The following APAF1 variants were observed in gnomAD, a reference collection of about 807,000 sequenced individuals.
The protein encoded by APAF1 is apoptotic peptidase activating factor 1.
Under a neutral mutation model 152.4 loss-of-function variants are expected in APAF1, and 91 were observed. That is an observed-to-expected ratio of 0.60 (90% CI 0.50 to 0.71). The LOEUF is 0.71. Ranked by LOEUF, APAF1 falls within the 30% of genes least tolerant of loss-of-function variation. APAF1 has a pLI of 0.00. For missense variants in APAF1, 1,283 were observed against 1,472.0 expected (o/e 0.87, Z 2.10); for synonymous variants, 484 against 494.1 (o/e 0.98, Z 0.27).
rs562698486 is a variant in APAF1 at position 98,690,868 on chromosome 12, C to A, written c.2304+3995C>A. Among the ~76,000 whole-genome samples, 4 of 152,170 alleles carry A rather than the reference C, an allele frequency of 2.6e-5. No homozygotes were observed. The South Asian group carries it at 8.3e-4, about 32-fold the overall frequency. ...CTATCATAAGCCCCCTCAGAAATTG[C>A]TGTAAAAAGCCTCTGCTCCATTTTT... On this transcript the variant is annotated intron_variant, in intron 16 of 26. Coordinates refer to ENST00000551964, the MANE Select transcript of APAF1 (RefSeq NM_181861.2).
At chr12:98,683,323 A>G (rs1199955929) in intron 15 of APAF1, 49 bp downstream of exon 15, 1 of 1,580,834 alleles carries the variant, frequency 6.3e-7, no homozygotes, top group Non-Finnish European at 8.7e-7. Flanking sequence ...TTCGTACATC[A>G]GAGTATCTCC....
chr12:98,650,267 G>A (rs2097647266), intron 4 of APAF1, among the ~76,000 whole-genome samples: 1 of 151,948 alleles, frequency 6.6e-6, no homozygotes, highest in African/African-American at 2.4e-5. Flanking sequence ...TGGATCACCT[G>A]AGGTCAGGAG....
intron 4 of APAF1, among the ~76,000 whole-genome samples, chr12:98,653,905 A>T (rs1216817206): frequency 6.6e-6 from 1 of 151,530 alleles, no homozygotes; most frequent in African/African-American, 2.4e-5. Context: ...TGCTTTCTTC[A>T]TAGGCTGTGT....
At chr12:98,693,662 C>G (rs903827954) in intron 16 of APAF1, among the ~76,000 whole-genome samples, 1 of 152,140 alleles carries the variant, frequency 6.6e-6, no homozygotes, top group African/African-American at 2.4e-5. Flanking sequence ...TTGGAAGGTT[C>G]TATCTTGCTC....
At chr12:98,687,633 G>A (rs1445451980) in intron 16 of APAF1, among the ~76,000 whole-genome samples, 1 of 152,064 alleles carries the variant, frequency 6.6e-6, no homozygotes, top group African/African-American at 2.4e-5. Flanking sequence ...CCATTTATCA[G>A]GAACCTAGGT....
Position 98,708,463 on chromosome 12 carries a change from T to A in APAF1, c.2722-122T>A. 3.1e-6 allele frequency: 3 copies of A among 973,964 alleles called. No individual in the cohort carries two copies. In the Admixed American group the frequency reaches 7.1e-5, roughly 23 times the overall value. 60.3% of individuals were successfully genotyped at this position (973,964 alleles called of 1,614,324 possible). A position where few individuals can be genotyped will look rare whatever the true frequency, so the allele number is the denominator to read the frequency against. On this transcript the variant is annotated intron_variant, in intron 19 of 26. Coordinates refer to ENST00000551964, the MANE Select transcript of APAF1 (RefSeq NM_181861.2). ...GTAAATATTTATTTTTGGATTATAA[T>A]CTAATATTGAAACCTTTCTAGCATC...
chr12:98,679,714 C>T (rs1324403258), intron 13 of APAF1, among the ~76,000 whole-genome samples: 1 of 152,254 alleles, frequency 6.6e-6, no homozygotes, highest in African/African-American at 2.4e-5. Flanking sequence ...CCACCGTGTT[C>T]CCCGGTGCCA....
chr12:98,729,898 G>A (rs988141810), intron 26 of APAF1, among the ~76,000 whole-genome samples: 1 of 152,126 alleles, frequency 6.6e-6, no homozygotes, highest in African/African-American at 2.4e-5. Context: ...TAAACAAAAG[G>A]AGTAATTTCT....
intron 4 of APAF1, among the ~76,000 whole-genome samples, chr12:98,657,557 C>T (rs533171408): frequency 6.6e-5 from 10 of 152,268 alleles, no homozygotes; most frequent in African/African-American, 2.2e-4. Flanking sequence ...TATGTCAAGT[C>T]CTATTCAGTA....
rs371118366 is a variant in APAF1 at position 98,666,196 on chromosome 12, T to C, written c.1201T>C (p.Cys401Arg). The change falls in exon 9 of 27, where the codon TGT becomes CGT. Residue 401 changes from cysteine to arginine, a missense_variant. Physicochemically the swap from Cys to Arg is radical, Grantham distance 180 (BLOSUM62 -3). Transcript: ENST00000551964. ...TACTTACAACAATTCCTAGGTGTTATGTATTCTCTGGGACATGGAAACTGA... is the reference window on the plus strand; with the variant it reads ...TACTTACAACAATTCCTAGGTGTTACGTATTCTCTGGGACATGGAAACTGA... ...KDVKVPTKVL[C>R]ILWDMETEEV... 1 of 1,613,736 alleles carries C rather than the reference T, an allele frequency of 6.2e-7. No individual in the cohort carries two copies. Among genetic ancestry groups the C allele is most frequent in the Non-Finnish European group, 8.5e-7 (1 of 1,179,678 alleles).
At position 98,668,546 on chromosome 12, in the gene APAF1, G is replaced by A. The variant is rs944112206; in HGVS notation, c.1494+902G>A. Among the ~76,000 whole-genome samples, 6 of 151,886 alleles carry A rather than the reference G, an allele frequency of 4.0e-5. No individual in the cohort carries two copies. In the East Asian group the frequency reaches 9.6e-4, roughly 24 times the overall value. ...ATTATATTTCAGTGGGTAGTTAAGTGCTCAGAAGAAGGACAGAGCATGGAA... is the reference window on the plus strand; with the variant it reads ...ATTATATTTCAGTGGGTAGTTAAGTACTCAGAAGAAGGACAGAGCATGGAA... On this transcript the variant is annotated intron_variant, in intron 10 of 26. Transcript: ENST00000551964.
chr12:98,688,581 G>A (rs1032068494), intron 16 of APAF1, among the ~76,000 whole-genome samples: 2 of 143,058 alleles, frequency 1.4e-5, no homozygotes, highest in African/African-American at 2.6e-5. Flanking sequence ...AGCAGTCCTC[G>A]TACTTCAGCC....
rs746490911 is a variant in APAF1 at position 98,665,693 on chromosome 12, GA to G, written c.1098del (p.Ala367ProfsTer4). 2.6e-5 allele frequency: 42 copies of G among 1,613,946 alleles called. No homozygotes were observed. Among genetic ancestry groups the G allele is most frequent in the Non-Finnish European group, 3.5e-5 (41 of 1,179,932 alleles). On this transcript the variant is annotated frameshift_variant, in exon 8 of 27. Coordinates refer to ENST00000551964, the MANE Select transcript of APAF1 (RefSeq NM_181861.2). LOFTEE classifies it high-confidence loss of function. ...GTCTTATGATTATGAGGCTCTAGATGAAGCCATGTCTATAAGTGTTGAAATG... is the reference window on the plus strand; with the variant it reads ...GTCTTATGATTATGAGGCTCTAGATGAGCCATGTCTATAAGTGTTGAAATG... Reference protein sequence around the residue: ...SSSYDYEALDEAMSISVEMLR... With the variant: ...SSSYDYEALDXAMSISVEMLR...
At chr12:98,688,388 A>G (rs930080107) in intron 16 of APAF1, among the ~76,000 whole-genome samples, 2 of 152,090 alleles carry the variant, frequency 1.3e-5, no homozygotes, top group African/African-American at 4.8e-5. Context: ...CATGCCTGAT[A>G]GCAACCATCT....
chr12:98,690,366 T>G (rs1325569507), intron 16 of APAF1, among the ~76,000 whole-genome samples: 1 of 152,260 alleles, frequency 6.6e-6, no homozygotes, highest in Non-Finnish European at 1.5e-5. Context: ...TCTATCTGCT[T>G]CTTCCTTTAG....
At position 98,665,271 on chromosome 12, in the gene APAF1, TATATA is replaced by T. The variant is rs1356587585; in HGVS notation, c.956-281_956-277del. Among the ~76,000 whole-genome samples the T allele has an allele frequency of 8.6e-5, 9 of 104,462 alleles. No homozygotes were observed. The East Asian group carries it at 2.0e-3, about 24-fold the overall frequency. The allele number at this position is 104,462 out of a possible 152,430, so 68.5% of individuals were successfully genotyped here. On this transcript the variant is annotated intron_variant, in intron 7 of 26. Transcript: ENST00000551964. ...AGACTGGCGCATATATATATATATATATATATATTTTTTTTTTTTTTTGTAATGAC... is the reference window on the plus strand; with the variant it reads ...AGACTGGCGCATATATATATATATATTATTTTTTTTTTTTTTTGTAATGAC...
In APAF1 at chr12:98,662,761, G is replaced by T; in HGVS notation, c.910G>T (p.Ala304Ser). The T allele has an allele frequency of 6.2e-7, 1 of 1,611,842 alleles. No homozygotes were observed. Among genetic ancestry groups the T allele is most frequent in the Non-Finnish European group, 8.5e-7 (1 of 1,179,086 alleles). The change falls in exon 7 of 27, where the codon GCA (alanine) becomes TCA (serine). Residue 304 changes from alanine to serine, a missense_variant. Transcript: ENST00000551964. ...ILSLFVNMKK[A>S]DLPEQAHSII... ...ATCCCTTTTTGTTAATATGAAGAAG[G>T]CAGATTTGCCAGAACAAGCTCATAG...
chr12:98,727,962 AAATAAATTAATT>A (rs2097753271), intron 26 of APAF1, among the ~76,000 whole-genome samples: 1 of 143,620 alleles, frequency 7.0e-6, no homozygotes, highest in Non-Finnish European at 1.5e-5. Flanking sequence ...ATAAATAAAT[AAATAAATTAATT>A]AATTAATTAA....
chr12:98,662,257 AT>A (rs1175365821), intron 5 of APAF1, among the ~76,000 whole-genome samples, 198 bp from the exon 6 acceptor site: 4 of 147,758 alleles, frequency 2.7e-5, no homozygotes, highest in African/African-American at 5.0e-5. Context: ...GCAGTCTCTA[AT>A]TTTTTTTTTC....
Sources: gnomAD v4.1 joint callset for allele counts (sites outside exome capture counted in the v4.1 genomes callset) on GRCh38, gnomAD v4.1.1 for gene constraint, MANE v1.5 for transcripts, NCBI Gene and HGNC (gene_info 2026-07-23, HGNC 2026-07-21) for gene names.